ERMARD: variants seen among roughly 807,000 people sequenced by gnomAD.
ERMARD encodes the protein endoplasmic reticulum membrane-associated RNA degradation protein.
In ERMARD, 71 loss-of-function variants were observed where a neutral mutation model predicts 83.9. That is an observed-to-expected ratio of 0.85 (90% CI 0.70 to 1.03). The LOEUF (loss-of-function observed/expected upper bound fraction) is 1.03. Among genes scored for constraint, ERMARD ranks in the 50% least tolerant of loss-of-function variants. ERMARD has a pLI of 0.00. For synonymous variants in ERMARD, 284 were observed against 298.6 expected, an observed-to-expected ratio of 0.95 and a Z score of 0.50; for missense variants, 838 against 810.9, an observed-to-expected ratio of 1.03 and a Z score of -0.41.
At chr6:169,777,415 A>G (rs1793725588) in intron 16 of ERMARD, among the ~76,000 whole-genome samples, 1 of 152,136 alleles carries the variant, frequency 6.6e-6, no homozygotes, top group Non-Finnish European at 1.5e-5. Context: ...TAGCCACCTT[A>G]TTTAGGAATA....
intron 17 of ERMARD, among the ~76,000 whole-genome samples, 148 bp from the exon 18 acceptor site, chr6:169,781,177 TTTTTA>T (rs1313309822): frequency 6.6e-6 from 1 of 152,268 alleles, no homozygotes; most frequent in Non-Finnish European, 1.5e-5. Flanking sequence ...ATTCTCTTAT[TTTTTA>T]TTTATACGGA....
intron 13 of ERMARD, 67 bp from the exon 14 acceptor site, chr6:169,775,203 A>G (rs988538741): frequency 2.6e-6 from 4 of 1,524,224 alleles, no homozygotes; most frequent in East Asian, 2.3e-5. Context: ...TGTAACATCC[A>G]TAAAAACACA....
chr6:169,773,381 G>A lies in ERMARD; in HGVS notation c.1296G>A (p.Pro432=), dbSNP rs762719440. The change falls in exon 13 of 18, where the codon CCG becomes CCA. Residue 432 remains proline, a synonymous_variant. Transcript: ENST00000366773. ...LAEGYSSRCH[P]VFQLKKQVLS... ...AAGGCTATAGTTCTCGCTGTCATCC[G>A]GTTTTTCAGCTTAAAAAACAGGTAT... The A allele has an allele frequency of 1.5e-5, 25 of 1,613,966 alleles. 1 individual carries two copies. Among genetic ancestry groups the A allele is most frequent in the Middle Eastern group, 1.6e-4 (1 of 6,084 alleles).
At position 169,776,570 on chromosome 6, in the gene ERMARD, G is replaced by T. The variant is rs767713110; in HGVS notation, c.1636G>T (p.Val546Leu). Residue 546 changes from valine (V) to leucine (L), a missense_variant, in exon 16 of 18, where the codon GTG becomes TTG. Val to Leu is a conservative substitution (Grantham distance 32, BLOSUM62 1). Coordinates refer to ENST00000366773, the MANE Select transcript of ERMARD (RefSeq NM_018341.3). ...LRSISEQCRRVSSQVTVASEL... is the reference protein window; with the variant it reads ...LRSISEQCRRLSSQVTVASEL... ...AAGCATCAGCGAACAGTGCCGCCGT[G>T]TGTCCAGCCAGGTCACCGTTGCCTC... The T allele has an allele frequency of 3.7e-6, 6 of 1,614,132 alleles. No individual in the cohort carries two copies. The highest frequency in any genetic ancestry group is 3.3e-5 in the Admixed American group (2 of 60,016).
At chr6:169,776,834 G>A (rs1252029846) in intron 16 of ERMARD, among the ~76,000 whole-genome samples, 161 bp downstream of exon 16, 2 of 152,194 alleles carry the variant, frequency 1.3e-5, no homozygotes, top group Admixed American at 1.3e-4. Flanking sequence ...TGAACCCAAA[G>A]TATCTGAGAC....
chr6:169,765,115 C>A (rs1481460804), intron 9 of ERMARD, among the ~76,000 whole-genome samples: 1 of 152,248 alleles, frequency 6.6e-6, no homozygotes, highest in Non-Finnish European at 1.5e-5. Context: ...GCCCTTGCTT[C>A]ATGATACCTG....
intron 9 of ERMARD, 63 bp downstream of exon 9, chr6:169,762,594 A>G: frequency 1.4e-6 from 2 of 1,399,730 alleles, no homozygotes; most frequent in Non-Finnish European, 9.9e-7. Context: ...TCTGTTACCA[A>G]TTAAAAGTTT....
chr6:169,773,506 T>C (rs1793224652), intron 13 of ERMARD, 104 bp downstream of exon 13: 1 of 1,143,136 alleles, frequency 8.7e-7, no homozygotes, highest in Non-Finnish European at 1.3e-6. Context: ...AGTCAGACTT[T>C]GAGTTGGGCA....
At chr6:169,775,100 TC>T (rs1410266674) in intron 13 of ERMARD, among the ~76,000 whole-genome samples, 169 bp from the exon 14 acceptor site, 2 of 152,140 alleles carry the variant, frequency 1.3e-5, no homozygotes, top group African/African-American at 4.8e-5. Flanking sequence ...TCCGCAGCCT[TC>T]CCCCATCTGA....
chr6:169,780,593 C>T (rs928935123), intron 17 of ERMARD, among the ~76,000 whole-genome samples: 1 of 152,290 alleles, frequency 6.6e-6, no homozygotes, highest in Admixed American at 6.5e-5. Context: ...TTCTCTGAGC[C>T]GGCCCCTCCA....
At chr6:169,758,912 A>G in intron 5 of ERMARD, 56 bp from the exon 6 acceptor site, 1 of 1,434,846 alleles carries the variant, frequency 7.0e-7, no homozygotes, top group Non-Finnish European at 9.8e-7. Flanking sequence ...TCTTCATACT[A>G]TATTGGTTTA....
At chr6:169,757,436 C>G (rs1303425288) in intron 5 of ERMARD, among the ~76,000 whole-genome samples, 2 of 152,124 alleles carry the variant, frequency 1.3e-5, no homozygotes, top group Non-Finnish European at 2.9e-5. Flanking sequence ...AACTATAATA[C>G]TAAATCCAGA....
chr6:169,760,241 A>G (rs1373613269), intron 7 of ERMARD, among the ~76,000 whole-genome samples: 1 of 152,194 alleles, frequency 6.6e-6, no homozygotes, highest in Non-Finnish European at 1.5e-5. Flanking sequence ...ACTATGAGCA[A>G]CAGTGGCCTC....
intron 1 of ERMARD, 104 bp downstream of exon 1, chr6:169,751,767 G>T: frequency 1.4e-6 from 2 of 1,400,110 alleles, no homozygotes; most frequent in South Asian, 1.6e-5. Context: ...GCACGCGCCT[G>T]CGGTGGCCGG....
intron 2 of ERMARD, 136 bp downstream of exon 2, chr6:169,754,168 A>G (rs1790504983): frequency 2.5e-6 from 2 of 788,774 alleles, no homozygotes; most frequent in East Asian, 2.7e-5. Context: ...CAAGGAGAAC[A>G]GGAATCAATG....
chr6:169,778,796 C>T (rs1793880325), intron 16 of ERMARD, among the ~76,000 whole-genome samples: 1 of 152,226 alleles, frequency 6.6e-6, no homozygotes, highest in African/African-American at 2.4e-5. Flanking sequence ...CTATCGAGGC[C>T]ATTTGTTTTT....
chr6:169,760,251 C>T (rs566572065), intron 7 of ERMARD, among the ~76,000 whole-genome samples: 1 of 152,320 alleles, frequency 6.6e-6, no homozygotes, highest in East Asian at 1.9e-4. Flanking sequence ...ACAGTGGCCT[C>T]AGGCTGTTGT....
chr6:169,776,119 A>G (rs936024854), intron 15 of ERMARD, 54 bp downstream of exon 15: 10 of 1,598,058 alleles, frequency 6.3e-6, no homozygotes, highest in African/African-American at 4.1e-5. Flanking sequence ...GCAGATTAGC[A>G]TAGCAAACTT....
Position 169,773,153 on chromosome 6 carries a change from C to G in ERMARD, c.1234-166C>G, listed in dbSNP as rs1419903726. On this transcript the variant is annotated intron_variant, in intron 12 of 17. Coordinates refer to ENST00000366773, the MANE Select transcript of ERMARD (RefSeq NM_018341.3). The stretch of plus-strand genomic sequence containing the variant: ...AAATCATTTTATTGGCTGTCATTTG[C>G]CTGCCATGTCAAGCCTATTTTAATG... The G allele has an allele frequency of 5.5e-6, 3 of 545,542 alleles. No individual in the cohort carries two copies. In the African/African-American group the frequency reaches 5.7e-5, roughly 10 times the overall value. 33.8% of individuals were successfully genotyped at this position (545,542 alleles called of 1,614,324 possible). A position where few individuals can be genotyped will look rare whatever the true frequency, so the allele number is the denominator to read the frequency against.
Sources: gnomAD v4.1 joint callset for allele counts (sites outside exome capture counted in the v4.1 genomes callset) on GRCh38, gnomAD v4.1.1 for gene constraint, MANE v1.5 for transcripts, NCBI Gene and HGNC (gene_info 2026-07-23, HGNC 2026-07-21) for gene names.